The following JADE3 variants were observed in gnomAD, a reference collection of about 807,000 sequenced individuals.
JADE3 encodes jade family PHD finger 3.
In JADE3, 2 loss-of-function variants were observed where a neutral mutation model predicts 50.1. The ratio of observed to expected loss-of-function variants is 0.04; its 90% CI spans 0.02 to 0.13. JADE3 has a LOEUF of 0.13. Among genes scored for constraint, JADE3 ranks in the 10% least tolerant of loss-of-function variants. JADE3 has a pLI of 1.00. For missense variants in JADE3, 475 were observed against 634.4 expected (o/e 0.75, Z 2.70); for synonymous variants, 218 against 232.9 (o/e 0.94, Z 0.58).
intron 1 of JADE3, among the ~76,000 whole-genome samples, chrX:46,972,428 T>G (rs946435829): frequency 6.3e-5 from 7 of 111,830 alleles, no homozygotes; most frequent in Non-Finnish European, 1.3e-4. Context: ...ACTCCTGACC[T>G]CAGGTTATCT....
At chrX:46,992,730 C>T (rs1355259748) in intron 3 of JADE3, among the ~76,000 whole-genome samples, 1 of 111,881 alleles carries the variant, frequency 8.9e-6, no homozygotes, top group Non-Finnish European at 1.9e-5. Context: ...CACTGACATG[C>T]AATATAAATT....
At position 47,007,473 on chromosome X, in the gene JADE3, A is replaced by AT. The variant is rs1569537156; in HGVS notation, c.284+9199dup. On this transcript the variant is annotated intron_variant, in intron 4 of 10. Coordinates refer to ENST00000614628, the MANE Select transcript of JADE3 (RefSeq NM_014735.5). ...GAGCACTGTTGTTTGGTGCACACAC[A>AT]TTTATGATTGCTATGTCTTCTTGAT... Among the ~76,000 whole-genome samples, 4 of 111,911 alleles carry AT rather than the reference A, an allele frequency of 3.6e-5. No individual in the cohort carries two copies. The South Asian group carries it at 1.5e-3, about 42-fold the overall frequency.
rs1287465137 is a variant in JADE3 at position 47,060,708 on chromosome X, T to TG, written c.*1634dup. 5 of 112,461 alleles carry TG rather than the reference T, an allele frequency of 4.4e-5. No individual in the cohort carries two copies. The highest frequency in any genetic ancestry group is 9.5e-5 in the Admixed American group (1 of 10,536). The allele number at this position is 112,461 out of a possible 1,213,427, so 9.3% of individuals were successfully genotyped here. A position where few individuals can be genotyped will look rare whatever the true frequency, so the allele number is the denominator to read the frequency against. Reference sequence around the variant, plus strand: ...TGTGGTAGGTGTCCTGTATTTTGTTTGGGAAAAAAACTATCAAAATGAGGA... The same window carrying TG: ...TGTGGTAGGTGTCCTGTATTTTGTTTGGGGAAAAAAACTATCAAAATGAGGA... On this transcript the variant is annotated 3_prime_UTR_variant, in exon 11 of 11. Transcript: ENST00000614628.
At chrX:47,054,027 T>C in intron 8 of JADE3, 131 bp from the exon 9 acceptor site, 2 of 445,656 alleles carry the variant, frequency 4.5e-6, no homozygotes, top group South Asian at 4.3e-5. Flanking sequence ...GCATCTGTTA[T>C]GGTCAGTTTA....
chrX:46,984,648 T>C (rs1184248169), intron 1 of JADE3, among the ~76,000 whole-genome samples: 1 of 112,499 alleles, frequency 8.9e-6, no homozygotes, highest in Non-Finnish European at 1.9e-5. Flanking sequence ...CATTTGTGGC[T>C]TGGGCTTCCT....
intron 1 of JADE3, among the ~76,000 whole-genome samples, chrX:46,924,256 G>A (rs928764300): frequency 9.0e-6 from 1 of 111,699 alleles, no homozygotes; most frequent in Non-Finnish European, 1.9e-5. Flanking sequence ...GCTTGTAAGA[G>A]TGTAGCAACC....
chrX:46,964,338 T>C (rs1341432539), intron 1 of JADE3, among the ~76,000 whole-genome samples: 4 of 112,053 alleles, frequency 3.6e-5, no homozygotes, highest in Admixed American at 9.4e-5. Context: ...ATGAGACTTC[T>C]GAGGCTAAAT....
At chrX:46,919,732 T>G (rs1556337303) in intron 1 of JADE3, among the ~76,000 whole-genome samples, 1 of 111,568 alleles carries the variant, frequency 9.0e-6, no homozygotes, top group African/African-American at 3.3e-5. Context: ...AAGGCTCATT[T>G]TGTATGTCTT....
chrX:47,027,828 C>CA (rs1928936207), intron 5 of JADE3, 64 bp from the exon 6 acceptor site: 2 of 943,995 alleles, frequency 2.1e-6, no homozygotes, highest in East Asian at 6.1e-5. Flanking sequence ...ACTGGGCTCA[C>CA]AGTAGGTGTT....
chrX:47,029,802 A>T (rs1415178124), intron 6 of JADE3, among the ~76,000 whole-genome samples: 1 of 111,665 alleles, frequency 9.0e-6, no homozygotes, highest in Admixed American at 9.6e-5. Flanking sequence ...TTACCATTTA[A>T]CTATGAACTT....
intron 8 of JADE3, among the ~76,000 whole-genome samples, chrX:47,046,175 A>G (rs1457588355): frequency 9.0e-6 from 1 of 111,638 alleles, no homozygotes; most frequent in African/African-American, 3.2e-5. Context: ...AATAAATAAA[A>G]TCAGAGATGA....
intron 4 of JADE3, among the ~76,000 whole-genome samples, chrX:47,022,335 T>C (rs1222930170): frequency 3.6e-5 from 4 of 112,327 alleles, no homozygotes; most frequent in African/African-American, 1.3e-4. Context: ...TTTCAATTAG[T>C]ATTTGAGGTT....
chrX:46,998,336 C>T lies in JADE3; in HGVS notation c.284+59C>T, dbSNP rs1281622735. 1.7e-5 allele frequency: 18 copies of T among 1,049,627 alleles called. No individual in the cohort carries two copies. The Admixed American group carries it at 3.0e-4, about 18-fold the overall frequency. 86.5% of individuals were successfully genotyped at this position (1,049,627 alleles called of 1,213,427 possible). A position where few individuals can be genotyped will look rare whatever the true frequency, so the allele number is the denominator to read the frequency against. ...TGAATGCTCTCATGTTTGTCTGCTG[C>T]TTGGGGAGAAACTTAGAGTGGCTAA... On this transcript the variant is annotated intron_variant, in intron 4 of 10. Coordinates refer to ENST00000614628, the MANE Select transcript of JADE3 (RefSeq NM_014735.5).
At chrX:46,932,069 T>C (rs1926509971) in intron 1 of JADE3, among the ~76,000 whole-genome samples, 1 of 112,387 alleles carries the variant, frequency 8.9e-6, no homozygotes. Flanking sequence ...ACTACAACAC[T>C]GTTCTAAAAG....
At chrX:46,986,949 G>A (rs1020182616) in intron 3 of JADE3, among the ~76,000 whole-genome samples, 2 of 112,239 alleles carry the variant, frequency 1.8e-5, no homozygotes, top group African/African-American at 3.2e-5. Flanking sequence ...CACAAAATTC[G>A]TGTCTTAAAG....
Position 46,924,214 on chromosome X carries a change from T to C in JADE3, c.-12+11495T>C, listed in dbSNP as rs781832407. On this transcript the variant is annotated intron_variant, in intron 1 of 10. Transcript: ENST00000614628. ...TCTGAGATTTTTCCCTGATCTTCCCTGTGAGAGCCTGGTGGAATTCCTGTA... is the reference window on the plus strand; with the variant it reads ...TCTGAGATTTTTCCCTGATCTTCCCCGTGAGAGCCTGGTGGAATTCCTGTA... Among the ~76,000 whole-genome samples the C allele has an allele frequency of 3.6e-5, 4 of 111,947 alleles. No homozygotes were observed. In the East Asian group the frequency reaches 1.1e-3, roughly 32 times the overall value.
intron 8 of JADE3, among the ~76,000 whole-genome samples, chrX:47,045,600 C>T (rs1556370505): frequency 8.9e-6 from 1 of 112,576 alleles, no homozygotes; most frequent in Admixed American, 9.4e-5. Context: ...ATACATTCTT[C>T]TCCTCAGCAC....
intron 4 of JADE3, among the ~76,000 whole-genome samples, chrX:47,003,614 TATATAAATTTATATATTTATATAG>T (rs1259897522): frequency 2.0e-5 from 2 of 101,699 alleles, no homozygotes; most frequent in Non-Finnish European, 3.9e-5. Flanking sequence ...TTAATGTATA[TATATAAATTTATATATTTATATAG>T]ATATAAATTT....
intron 1 of JADE3, among the ~76,000 whole-genome samples, chrX:46,913,595 T>G (rs1437940451): frequency 9.0e-6 from 1 of 111,003 alleles, no homozygotes; most frequent in African/African-American, 3.3e-5. Context: ...TTGTTTGTTG[T>G]TTTTTTTAAT....
Sources: allele counts gnomAD v4.1 joint callset (sites outside exome capture counted in the v4.1 genomes callset), GRCh38; gene constraint gnomAD v4.1.1; transcripts MANE v1.5; gene names NCBI Gene and HGNC (gene_info 2026-07-23, HGNC 2026-07-21).